The following NANOS3 variants were observed in gnomAD, a reference collection of about 807,000 sequenced individuals.
NANOS3 encodes nanos homolog 3.
NANOS3 carries 11 observed loss-of-function variants against 13.8 expected under a neutral mutation model. The ratio of observed to expected loss-of-function variants is 0.80; its 90% CI spans 0.50 to 1.32. The LOEUF (loss-of-function observed/expected upper bound fraction) is 1.32, where lower values mean the gene tolerates loss of function less well. Ranked by LOEUF, NANOS3 falls within the 40% of genes most tolerant of loss-of-function variation. The pLI, the probability that NANOS3 is intolerant of heterozygous loss-of-function variation, is 0.00. For missense variants in NANOS3, 221 were observed against 263.8 expected (o/e 0.84, Z 1.12); for synonymous variants, 119 against 115.4 (o/e 1.03, Z -0.20).
chr19:13,877,158 G>A lies in NANOS3; in HGVS notation c.-91G>A. 2 of 1,089,980 alleles carry A rather than the reference G, an allele frequency of 1.8e-6. No individual in the cohort carries two copies. Among genetic ancestry groups the A allele is most frequent in the Middle Eastern group, 2.1e-4 (1 of 4,710 alleles). The allele number at this position is 1,089,980 out of a possible 1,614,324, so 67.5% of individuals were successfully genotyped here. ...CAGGCTCCAGAGAGGGGAAGGAAGG[G>A]GCAGCAGAGAGGGGTCAGAAGGAGG... On this transcript the variant is annotated 5_prime_UTR_variant, in exon 1 of 2. Transcript: ENST00000339133.
At chr19:13,866,201 C>T (rs982872009) in intron 1 of NANOS3, among the ~76,000 whole-genome samples, 18 of 152,210 alleles carry the variant, frequency 1.2e-4, no homozygotes, top group African/African-American at 4.3e-4. Flanking sequence ...CCGAATCCCA[C>T]TGCCGGGGAG....
At chr19:13,863,718 G>A (rs1360045479), upstream of NANOS3, among the ~76,000 whole-genome samples, 2 of 152,152 alleles carry the variant, frequency 1.3e-5, no homozygotes, top group African/African-American at 4.8e-5. Flanking sequence ...GTTAGGTGTA[G>A]ACTACAGCTG....
chr19:13,874,844 G>T (rs1208387891), upstream of NANOS3: 4 of 526,082 alleles, frequency 7.6e-6, no homozygotes, highest in African/African-American at 3.9e-5. Context: ...ATCTAGGGGG[G>T]CCTGGGGAGC....
chr19:13,873,829 G>C (rs1165233506), upstream of NANOS3, among the ~76,000 whole-genome samples: 1 of 147,204 alleles, frequency 6.8e-6, no homozygotes, highest in Admixed American at 6.7e-5. Flanking sequence ...AGGCGCGCTC[G>C]CCCATCCCTG....
chr19:13,878,952 AT>A (rs1433040358), intron 1 of NANOS3, among the ~76,000 whole-genome samples: 2 of 124,732 alleles, frequency 1.6e-5, no homozygotes, highest in Non-Finnish European at 3.4e-5. Flanking sequence ...TTATTTGATT[AT>A]TTTTCTGAGA....
At chr19:13,880,410 A>T in intron 1 of NANOS3, 32 bp from the exon 2 acceptor site, 2 of 1,608,536 alleles carry the variant, frequency 1.2e-6, no homozygotes, top group Middle Eastern at 1.7e-4. Flanking sequence ...ATCGCCTGTG[A>T]TTAAGCATTT....
chr19:13,878,216 C>T (rs1173044559), intron 1 of NANOS3, among the ~76,000 whole-genome samples: 1 of 150,434 alleles, frequency 6.6e-6, no homozygotes, highest in Non-Finnish European at 1.5e-5. Context: ...GCGTGAGCAC[C>T]GCACCGAGCC....
At chr19:13,868,387 T>C (rs61197683) in intron 1 of NANOS3, among the ~76,000 whole-genome samples, 2,031 of 152,046 alleles carry the variant, frequency 0.013, 41 homozygotes, top group African/African-American at 0.047. Flanking sequence ...GCATCTGTTA[T>C]GTACCCAGCA....
At chr19:13,866,424 T>C (rs1361567566) in intron 1 of NANOS3, among the ~76,000 whole-genome samples, 1 of 151,820 alleles carries the variant, frequency 6.6e-6, no homozygotes, top group Non-Finnish European at 1.5e-5. Flanking sequence ...CGATTAGATA[T>C]TCCCAAGGCC....
chr19:13,871,663 C>T (rs1254660364), intron 1 of NANOS3, among the ~76,000 whole-genome samples: 1 of 152,158 alleles, frequency 6.6e-6, no homozygotes, highest in Non-Finnish European at 1.5e-5. Flanking sequence ...AGAATGTCTC[C>T]TGCCTGATGA....
chr19:13,880,500 C>CT lies in NANOS3; in HGVS notation c.577dup (p.Ter193LeufsTer38). ...CCTCCTGCTCTCCCTCCATGTCCAC[C>CT]TAGGAGGCTGCCTACACCTGGGCAA... On this transcript the variant is annotated frameshift_variant, in exon 2 of 2. Transcript: ENST00000339133. LOFTEE classifies it high-confidence loss of function. 1 of 1,613,672 alleles carries CT rather than the reference C, an allele frequency of 6.2e-7. No individual in the cohort carries two copies. Among genetic ancestry groups the CT allele is most frequent in the Non-Finnish European group, 8.5e-7 (1 of 1,179,730 alleles).
At position 13,877,769 on chromosome 19, in the gene NANOS3, C is replaced by T. The variant is rs768232180; in HGVS notation, c.517+4C>T. Reference sequence around the variant, plus strand: ...CGAGGAGGAGGAGGAGGAGCAGGTGCCTGCACAGGTGGCTGGGGGGGACCT... The same window carrying T: ...CGAGGAGGAGGAGGAGGAGCAGGTGTCTGCACAGGTGGCTGGGGGGGACCT... On this transcript the variant is annotated splice_donor_region_variant and intron_variant, in intron 1 of 1. Transcript: ENST00000339133. The T allele has an allele frequency of 2.6e-5, 40 of 1,551,198 alleles. No homozygotes were observed. Among genetic ancestry groups the T allele is most frequent in the Non-Finnish European group, 3.4e-5 (39 of 1,151,532 alleles).
upstream of NANOS3, among the ~76,000 whole-genome samples, chr19:13,876,035 G>T (rs565904920): frequency 1.3e-3 from 198 of 152,204 alleles, no homozygotes; most frequent in African/African-American, 4.7e-3. Flanking sequence ...ACTCCAGAGG[G>T]TTCTTTCTCA....
chr19:13,874,091 C>T (rs8108402), upstream of NANOS3, among the ~76,000 whole-genome samples: 26,378 of 152,010 alleles, frequency 0.17, 2,307 homozygotes, highest in East Asian at 0.28. Flanking sequence ...ACCGCGCACG[C>T]GGGGCGAGCG....
In NANOS3 at chr19:13,877,345, C is replaced by G; in HGVS notation, c.97C>G (p.Gln33Glu). The G allele has an allele frequency of 2.5e-6, 4 of 1,608,290 alleles. No homozygotes were observed. Among genetic ancestry groups the G allele is most frequent in the Non-Finnish European group, 3.4e-6 (4 of 1,179,368 alleles). The change falls in exon 1 of 2, where the codon CAG (glutamine) becomes GAG (glutamate). Residue 33 changes from glutamine (Q) to glutamate (E), a missense_variant. Physicochemically the swap from Gln to Glu is conservative, Grantham distance 29 (BLOSUM62 2). Around this residue, in one of 3 missense-constraint regions of NANOS3, gnomAD observed 112 missense variants for 116.3 expected, o/e 0.96. Transcript: ENST00000339133. ...KEGPETRLSP[Q>E]PEPEPMLEPV... ...GGGTCCTGAAACCAGGCTGAGCCCC[C>G]AGCCAGAGCCAGAGCCAATGCTGGA...
chr19:13,875,155 G>A (rs531484199), upstream of NANOS3: 15 of 298,740 alleles, frequency 5.0e-5, no homozygotes, highest in South Asian at 3.9e-4. Context: ...AGGGTTGGGG[G>A]TAAACAGGCT....
chr19:13,863,752 T>C (rs554649080), upstream of NANOS3, among the ~76,000 whole-genome samples: 2 of 152,044 alleles, frequency 1.3e-5, no homozygotes, highest in Non-Finnish European at 2.9e-5. Context: ...TTGGTGGGGT[T>C]GGGGGTCGGG....
intron 1 of NANOS3, 112 bp downstream of exon 1, chr19:13,877,877 G>C: frequency 7.0e-7 from 1 of 1,437,268 alleles, no homozygotes. Flanking sequence ...AGACCTTAGA[G>C]AGAGCTTAGA....
At chr19:13,869,760 A>G (rs1976296510) in intron 1 of NANOS3, among the ~76,000 whole-genome samples, 1 of 150,430 alleles carries the variant, frequency 6.6e-6, no homozygotes, top group South Asian at 2.1e-4. Flanking sequence ...AAGTACACAC[A>G]CACACACACG....
Sources: allele counts gnomAD v4.1 joint callset (sites outside exome capture counted in the v4.1 genomes callset), GRCh38; gene constraint gnomAD v4.1.1; regional missense constraint gnomAD v4.1.1; transcripts MANE v1.5; gene names NCBI Gene and HGNC (gene_info 2026-07-23, HGNC 2026-07-21).